Variants in NRXN1 observed in about 807,000 individuals in gnomAD.
The protein encoded by NRXN1 is neurexin-1.
In NRXN1, 39 loss-of-function variants were observed where a neutral mutation model predicts 150.9. The observed-to-expected ratio is 0.26, with a 90% confidence interval of 0.20 to 0.34. NRXN1 has a LOEUF of 0.34. Ranked by LOEUF, NRXN1 falls within the 10% of genes least tolerant of loss-of-function variation. The pLI, the probability that NRXN1 is intolerant of heterozygous loss-of-function variation, is 1.00. For missense variants in NRXN1, 1,815 were observed against 1,949.9 expected, an observed-to-expected ratio of 0.93 and a Z score of 1.30; for synonymous variants, 924 against 757.0, an observed-to-expected ratio of 1.22 and a Z score of -3.62.
intron 15 of NRXN1, among the ~76,000 whole-genome samples, chr2:50,475,556 A>G (rs999490571): frequency 3.3e-5 from 5 of 152,102 alleles, no homozygotes; most frequent in Non-Finnish European, 7.4e-5. Flanking sequence ...AGAACTAGTA[A>G]TCTTTCCCTT....
intron 5 of NRXN1, among the ~76,000 whole-genome samples, chr2:50,677,233 G>A (rs1257317766): frequency 6.7e-6 from 1 of 148,706 alleles, no homozygotes; most frequent in African/African-American, 2.5e-5. Context: ...AGTGTTTTTT[G>A]TTCTAGCTCT....
At chr2:49,957,681 A>T (rs1250765864) in intron 21 of NRXN1, among the ~76,000 whole-genome samples, 5 of 152,182 alleles carry the variant, frequency 3.3e-5, no homozygotes, top group African/African-American at 1.2e-4. Context: ...AGCATTTGTC[A>T]AATCATATTT....
Position 50,846,284 on chromosome 2 carries a change from T to C in NRXN1, c.832+75585A>G, listed in dbSNP as rs956508806. ...TCAGCAACTAAAGCCACCACAGATC[T>C]GCCTTGAATCGGTATTCTCAAAGTG... On this transcript the variant is annotated intron_variant, in intron 5 of 22. Coordinates refer to ENST00000401669, the MANE Select transcript of NRXN1 (RefSeq NM_001330078.2). Among the ~76,000 whole-genome samples the C allele has an allele frequency of 2.6e-5, 4 of 152,182 alleles. No individual in the cohort carries two copies. In the East Asian group the frequency reaches 7.7e-4, roughly 29 times the overall value.
intron 9 of NRXN1, among the ~76,000 whole-genome samples, chr2:50,544,069 T>C (rs2093442565): frequency 6.6e-6 from 1 of 152,114 alleles, no homozygotes; most frequent in Admixed American, 6.5e-5. Context: ...ATCTTTAAAT[T>C]ACTGCTTAAA....
chr2:50,523,051 T>C (rs1203412660), intron 12 of NRXN1, among the ~76,000 whole-genome samples: 4 of 152,042 alleles, frequency 2.6e-5, no homozygotes, highest in Admixed American at 6.6e-5. Flanking sequence ...TCGATATTAT[T>C]CTAAAGACTC....
At chr2:50,869,899 T>C (rs753004581) in intron 5 of NRXN1, among the ~76,000 whole-genome samples, 3 of 151,894 alleles carry the variant, frequency 2.0e-5, no homozygotes, top group East Asian at 1.9e-4. Flanking sequence ...CATTCATTTA[T>C]TGAATAAACA....
intron 17 of NRXN1, among the ~76,000 whole-genome samples, chr2:50,400,183 C>G (rs999745541): frequency 6.6e-6 from 1 of 151,896 alleles, no homozygotes. Flanking sequence ...CATTAATATG[C>G]TAGGAAAAAA....
intron 8 of NRXN1, among the ~76,000 whole-genome samples, chr2:50,580,589 C>T (rs1672113283): frequency 6.6e-6 from 1 of 152,106 alleles, no homozygotes; most frequent in South Asian, 2.1e-4. Flanking sequence ...GAACAGAGAG[C>T]TACGTATGAA....
chr2:50,190,867 C>T (rs2061401029), intron 18 of NRXN1, among the ~76,000 whole-genome samples: 1 of 152,122 alleles, frequency 6.6e-6, no homozygotes, highest in African/African-American at 2.4e-5. Context: ...CCTGCCTTGG[C>T]CTCACAAAGT....
chr2:50,784,310 G>GTATA (rs1490761482), intron 5 of NRXN1, among the ~76,000 whole-genome samples: 7 of 152,050 alleles, frequency 4.6e-5, no homozygotes, highest in Admixed American at 4.0e-4. Context: ...GCCATCCTGA[G>GTATA]TACTCGGATA....
chr2:50,058,596 T>C (rs1240169135), intron 19 of NRXN1, among the ~76,000 whole-genome samples: 1 of 152,214 alleles, frequency 6.6e-6, no homozygotes, highest in African/African-American at 2.4e-5. Flanking sequence ...ACTTTTCTGC[T>C]GCAAAATTAT....
intron 19 of NRXN1, among the ~76,000 whole-genome samples, chr2:50,089,109 A>C (rs549132700): frequency 1.1e-4 from 17 of 152,320 alleles, no homozygotes; most frequent in African/African-American, 3.4e-4. Flanking sequence ...AGAATTTCCC[A>C]AACTAATGGG....
At chr2:50,159,074 T>C (rs1278960476) in intron 18 of NRXN1, among the ~76,000 whole-genome samples, 1 of 151,720 alleles carries the variant, frequency 6.6e-6, no homozygotes, top group Admixed American at 6.6e-5. Context: ...TGAAAGTCTC[T>C]TTGTTGTTGT....
At chr2:50,687,453 T>A (rs1214625095) in intron 5 of NRXN1, among the ~76,000 whole-genome samples, 1 of 152,192 alleles carries the variant, frequency 6.6e-6, no homozygotes, top group African/African-American at 2.4e-5. Context: ...GCATGCTTTA[T>A]CATTTTTTTC....
intron 5 of NRXN1, among the ~76,000 whole-genome samples, chr2:50,870,588 C>A (rs1265198565): frequency 1.3e-5 from 2 of 151,972 alleles, no homozygotes; most frequent in African/African-American, 4.8e-5. Context: ...TTGACTCTGT[C>A]TCCAGAAATT....
intron 2 of NRXN1, among the ~76,000 whole-genome samples, chr2:50,989,381 T>C (rs1698203239): frequency 6.6e-6 from 1 of 151,984 alleles, no homozygotes; most frequent in Admixed American, 6.6e-5. Context: ...GGTAATTATA[T>C]GAATCTTGAC....
At chr2:50,338,377 A>T (rs1047592606) in intron 17 of NRXN1, among the ~76,000 whole-genome samples, 1 of 152,144 alleles carries the variant, frequency 6.6e-6, no homozygotes, top group Non-Finnish European at 1.5e-5. Context: ...CATAATTTTC[A>T]GAAATGAGTA....
chr2:50,470,935 T>C (rs986320080), intron 16 of NRXN1, among the ~76,000 whole-genome samples: 2 of 151,784 alleles, frequency 1.3e-5, no homozygotes, highest in African/African-American at 2.4e-5. Flanking sequence ...AATATTAGCC[T>C]GGGGTGATAC....
At chr2:50,624,890 C>T (rs1268145052) in intron 5 of NRXN1, 1 of 152,066 alleles carries the variant, frequency 6.6e-6, no homozygotes, top group Non-Finnish European at 1.5e-5. Context: ...GAACAGTCTT[C>T]TCCCACTGAT....
Sources: gnomAD v4.1 joint callset for allele counts (sites outside exome capture counted in the v4.1 genomes callset) on GRCh38, gnomAD v4.1.1 for gene constraint, MANE v1.5 for transcripts, NCBI Gene and HGNC (gene_info 2026-07-23, HGNC 2026-07-21) for gene names.